Variants in NTM observed in about 807,000 individuals in gnomAD.
The protein encoded by NTM is neurotrimin, also known as IgLON family member 2.
A neutral mutation model predicts 42.1 loss-of-function variants in NTM; 13 were observed. The observed-to-expected ratio is 0.31, with a 90% confidence interval of 0.20 to 0.49. NTM has a LOEUF of 0.49. Among genes scored for constraint, NTM ranks in the 20% least tolerant of loss-of-function variants. The pLI, the probability that NTM is intolerant of heterozygous loss-of-function variation, is 0.99. For synonymous variants in NTM, 187 were observed against 179.2 expected (o/e 1.04, Z -0.35); for missense variants, 373 against 452.8 (o/e 0.82, Z 1.60).
At chr11:131,934,365 A>C (rs536837606) in intron 2 of NTM, among the ~76,000 whole-genome samples, 1 of 152,356 alleles carries the variant, frequency 6.6e-6, no homozygotes, top group East Asian at 1.9e-4. Flanking sequence ...TCAGAGGCAG[A>C]ATAGTAGAAG....
chr11:131,924,391 T>A (rs1252237887), intron 2 of NTM, among the ~76,000 whole-genome samples: 1 of 152,170 alleles, frequency 6.6e-6, no homozygotes, highest in Non-Finnish European at 1.5e-5. Flanking sequence ...GTTTCGTTCT[T>A]GAGTTTTGAG....
intron 2 of NTM, among the ~76,000 whole-genome samples, chr11:131,959,182 A>G (rs1259566283): frequency 6.6e-6 from 1 of 152,194 alleles, no homozygotes; most frequent in Non-Finnish European, 1.5e-5. Context: ...AGCAAACTCA[A>G]ATCTTTTGTA....
intron 1 of NTM, among the ~76,000 whole-genome samples, chr11:131,603,386 A>G (rs961823537): frequency 6.6e-6 from 1 of 152,064 alleles, no homozygotes; most frequent in African/African-American, 2.4e-5. Context: ...ATGGGCCAAA[A>G]TTTGCATTCC....
intron 2 of NTM, among the ~76,000 whole-genome samples, chr11:132,084,251 A>G (rs924284568): frequency 1.3e-5 from 2 of 152,174 alleles, no homozygotes; most frequent in Middle Eastern, 3.2e-3. Context: ...CAGGGTCGCT[A>G]CAATCAAAAA....
intron 1 of NTM, among the ~76,000 whole-genome samples, chr11:131,765,342 C>G (rs1238588027): frequency 3.9e-5 from 6 of 152,152 alleles, no homozygotes; most frequent in African/African-American, 9.7e-5. Flanking sequence ...CTCCCCTCCT[C>G]TCACTCTTCA....
chr11:132,219,872 T>A (rs567476420), intron 4 of NTM, among the ~76,000 whole-genome samples: 2 of 152,132 alleles, frequency 1.3e-5, no homozygotes, highest in East Asian at 3.9e-4. Flanking sequence ...ACTCAAGTTA[T>A]TTTTTTTCTG....
intron 1 of NTM, among the ~76,000 whole-genome samples, chr11:131,551,520 T>C (rs774204524): frequency 6.6e-6 from 1 of 152,010 alleles, no homozygotes; most frequent in Non-Finnish European, 1.5e-5. Context: ...CCAGGAAGCC[T>C]TGCAGCTGAA....
intron 1 of NTM, among the ~76,000 whole-genome samples, chr11:131,637,381 C>T (rs1162996924): frequency 6.6e-6 from 1 of 151,878 alleles, no homozygotes; most frequent in African/African-American, 2.4e-5. Flanking sequence ...TTTGGAAGTG[C>T]TCTGCATACA....
chr11:131,764,837 C>A (rs1404194496), intron 1 of NTM, among the ~76,000 whole-genome samples: 1 of 152,022 alleles, frequency 6.6e-6, no homozygotes, highest in Non-Finnish European at 1.5e-5. Context: ...CACAGATGCC[C>A]CAGAGACATC....
intron 4 of NTM, among the ~76,000 whole-genome samples, chr11:132,303,396 C>G (rs1271743311): frequency 6.6e-6 from 1 of 152,338 alleles, no homozygotes; most frequent in Middle Eastern, 3.4e-3. Flanking sequence ...AGCATCACTC[C>G]TATCACATGG....
intron 1 of NTM, among the ~76,000 whole-genome samples, chr11:131,426,531 G>A (rs762648394): frequency 1.3e-5 from 2 of 152,198 alleles, no homozygotes; most frequent in African/African-American, 2.4e-5. Flanking sequence ...AAAGGTCTGC[G>A]AAATCAGATC....
At chr11:132,293,835 A>G (rs577361135) in intron 4 of NTM, among the ~76,000 whole-genome samples, 11 of 152,322 alleles carry the variant, frequency 7.2e-5, no homozygotes, top group African/African-American at 2.4e-4. Flanking sequence ...TGTATTGTCT[A>G]TGACTGCTTT....
intron 2 of NTM, among the ~76,000 whole-genome samples, chr11:132,117,569 G>A (rs7937979): frequency 0.16 from 24,479 of 152,134 alleles, 2,025 homozygotes; most frequent in South Asian, 0.2. Flanking sequence ...CAGACCAACC[G>A]GGCCCTTTGA....
At chr11:131,614,049 C>G (rs572475056) in intron 1 of NTM, among the ~76,000 whole-genome samples, 1 of 152,330 alleles carries the variant, frequency 6.6e-6, no homozygotes, top group Non-Finnish European at 1.5e-5. Flanking sequence ...TGAGTAGCCT[C>G]TCAATACCTG....
intron 2 of NTM, among the ~76,000 whole-genome samples, chr11:132,033,751 G>A (rs1479148347): frequency 6.6e-6 from 1 of 152,176 alleles, no homozygotes; most frequent in African/African-American, 2.4e-5. Context: ...TGGTCCCTGG[G>A]ATCTCGCTTG....
chr11:131,658,594 C>T (rs2067521950), intron 1 of NTM, among the ~76,000 whole-genome samples: 1 of 152,236 alleles, frequency 6.6e-6, no homozygotes, highest in Non-Finnish European at 1.5e-5. Flanking sequence ...CTTTCCTCCC[C>T]CGACTTAGAG....
At chr11:131,783,461 T>G (rs1291285885) in intron 1 of NTM, among the ~76,000 whole-genome samples, 1 of 152,088 alleles carries the variant, frequency 6.6e-6, no homozygotes, top group African/African-American at 2.4e-5. Flanking sequence ...TGGGGAGGAA[T>G]TGACAGTCTG....
chr11:131,927,137 C>T (rs890698975), intron 2 of NTM, among the ~76,000 whole-genome samples: 2 of 152,160 alleles, frequency 1.3e-5, no homozygotes, highest in African/African-American at 4.8e-5. Flanking sequence ...GTAATCAAAC[C>T]TACACAGTGT....
At chr11:131,600,230 C>A (rs1050909819) in intron 1 of NTM, among the ~76,000 whole-genome samples, 3 of 152,124 alleles carry the variant, frequency 2.0e-5, no homozygotes, top group Admixed American at 2.0e-4. Flanking sequence ...AGAAGAGATT[C>A]ATAAAGTGTC....
Sources: gnomAD v4.1 joint callset for allele counts (sites outside exome capture counted in the v4.1 genomes callset) on GRCh38, gnomAD v4.1.1 for gene constraint, MANE v1.5 for transcripts, NCBI Gene and HGNC (gene_info 2026-07-23, HGNC 2026-07-21) for gene names.